FHIT: variants seen among roughly 807,000 people sequenced by gnomAD.
The protein encoded by FHIT is bis(5'-adenosyl)-triphosphatase.
FHIT carries 19 observed loss-of-function variants against 17.9 expected under a neutral mutation model. The observed-to-expected ratio is 1.06, with a 90% CI of 0.74 to 1.56. FHIT has a LOEUF of 1.56. Among genes scored for constraint, FHIT ranks in the 40% most tolerant of loss-of-function variants. The pLI is 0.00. For missense variants in FHIT, 248 were observed against 189.2 expected (o/e 1.31, Z -1.82); for synonymous variants, 81 against 69.7 (o/e 1.16, Z -0.81).
At chr3:60,036,317 C>T (rs184086411) in intron 5 of FHIT, among the ~76,000 whole-genome samples, 7 of 152,226 alleles carry the variant, frequency 4.6e-5, no homozygotes, top group Admixed American at 1.3e-4. Flanking sequence ...AAAAGGAAAC[C>T]GTTCATATGG....
Position 60,499,389 on chromosome 3 carries a change from C to G in FHIT, c.103+37471G>C, listed in dbSNP as rs1056909992. Among the ~76,000 whole-genome samples the G allele has an allele frequency of 2.6e-5, 4 of 152,212 alleles. No homozygotes were observed. The East Asian group carries it at 7.7e-4, about 29-fold the overall frequency. ...TCCCACTTCCTCACCATGCTTCACCCCCACAGGTCTTCGTGTTTTTGAAAC... is the reference window on the plus strand; with the variant it reads ...TCCCACTTCCTCACCATGCTTCACCGCCACAGGTCTTCGTGTTTTTGAAAC... On this transcript the variant is annotated intron_variant, in intron 5 of 9. Transcript: ENST00000492590.
At chr3:59,856,957 G>A (rs975596979) in intron 8 of FHIT, among the ~76,000 whole-genome samples, 2 of 151,930 alleles carry the variant, frequency 1.3e-5, no homozygotes, top group Non-Finnish European at 2.9e-5. Context: ...AAGAAACTGA[G>A]TCAAGTGGAA....
At chr3:60,646,266 T>C (rs782483266) in intron 4 of FHIT, among the ~76,000 whole-genome samples, 2 of 152,312 alleles carry the variant, frequency 1.3e-5, no homozygotes, top group East Asian at 3.9e-4. Context: ...TGGTCAAGAA[T>C]GTAAAAAATT....
intron 5 of FHIT, among the ~76,000 whole-genome samples, chr3:60,237,901 C>T (rs897193251): frequency 1.4e-4 from 22 of 151,904 alleles, no homozygotes; most frequent in African/African-American, 4.3e-4. Flanking sequence ...TTTGGGAGGC[C>T]GAGGCGGGTG....
In FHIT at chr3:60,484,591, T is replaced by C. The variant is rs961994657; in HGVS notation, c.103+52269A>G. On this transcript the variant is annotated intron_variant, in intron 5 of 9. Coordinates refer to ENST00000492590, the MANE Select transcript of FHIT (RefSeq NM_002012.4). ...GGGAAAGGATTTCTTATTCAATAAATGGTTCTGGGAAAACTGGCTAGCCAT... is the reference window on the plus strand; with the variant it reads ...GGGAAAGGATTTCTTATTCAATAAACGGTTCTGGGAAAACTGGCTAGCCAT... 3.9e-5 allele frequency among the ~76,000 whole-genome samples: 6 copies of C among 152,206 alleles called. No individual in the cohort carries two copies. In the East Asian group the frequency reaches 9.6e-4, roughly 24 times the overall value.
At chr3:60,341,990 A>G (rs1710539333) in intron 5 of FHIT, among the ~76,000 whole-genome samples, 1 of 152,152 alleles carries the variant, frequency 6.6e-6, no homozygotes, top group Admixed American at 6.6e-5. Flanking sequence ...TATTGGGTGA[A>G]AAAGAAAAAA....
intron 5 of FHIT, among the ~76,000 whole-genome samples, chr3:60,488,247 C>T (rs753447351): frequency 3.0e-4 from 45 of 152,254 alleles, no homozygotes; most frequent in Non-Finnish European, 4.4e-4. Context: ...CTCGGTCCAT[C>T]GACATATTTA....
At chr3:60,166,083 T>C (rs929740722) in intron 5 of FHIT, among the ~76,000 whole-genome samples, 19 of 152,152 alleles carry the variant, frequency 1.2e-4, no homozygotes, top group African/African-American at 4.6e-4. Flanking sequence ...CTCTTTTTTC[T>C]ACCTCCAATA....
rs6789978 is a variant in FHIT at position 60,352,181 on chromosome 3, C to A, written c.103+184679G>T. ...AATAAGTGAGTTATTTTACTAGAGGCTGCATAAGAGCCAAGAGAAGCAACT... is the reference window on the plus strand; with the variant it reads ...AATAAGTGAGTTATTTTACTAGAGGATGCATAAGAGCCAAGAGAAGCAACT... On this transcript the variant is annotated intron_variant, in intron 5 of 9. Coordinates refer to ENST00000492590, the MANE Select transcript of FHIT (RefSeq NM_002012.4). 4.3e-4 allele frequency among the ~76,000 whole-genome samples: 65 copies of A among 152,140 alleles called. 1 individual carries two copies. The highest frequency in any genetic ancestry group is 1.6e-3 in the African/African-American group (65 of 41,520).
At chr3:60,054,271 T>C (rs1701995859) in intron 5 of FHIT, among the ~76,000 whole-genome samples, 1 of 152,174 alleles carries the variant, frequency 6.6e-6, no homozygotes, top group African/African-American at 2.4e-5. Context: ...AGAAAAACGG[T>C]TACAGAGTGT....
intron 2 of FHIT, among the ~76,000 whole-genome samples, chr3:61,158,641 T>C (rs2037601052): frequency 6.6e-6 from 1 of 152,168 alleles, no homozygotes; most frequent in South Asian, 2.1e-4. Context: ...TTGCATTAAT[T>C]AATTAGAACT....
At chr3:61,016,368 T>G (rs1433107770) in intron 3 of FHIT, among the ~76,000 whole-genome samples, 2 of 152,134 alleles carry the variant, frequency 1.3e-5, no homozygotes, top group Admixed American at 1.3e-4. Context: ...TACCACGTTG[T>G]CAAAACAGTA....
intron 7 of FHIT, among the ~76,000 whole-genome samples, chr3:59,939,165 G>C (rs1706386624): frequency 6.6e-6 from 1 of 152,170 alleles, no homozygotes; most frequent in Non-Finnish European, 1.5e-5. Context: ...ATAGGTACCA[G>C]CCAGAAATTA....
chr3:59,987,995 A>C (rs1367928769), intron 7 of FHIT, among the ~76,000 whole-genome samples: 2 of 151,464 alleles, frequency 1.3e-5, no homozygotes, highest in Non-Finnish European at 3.0e-5. Flanking sequence ...TAGATCCTTG[A>C]ATGAATTTAT....
At chr3:60,988,282 T>C (rs2029874178) in intron 3 of FHIT, among the ~76,000 whole-genome samples, 1 of 152,168 alleles carries the variant, frequency 6.6e-6, no homozygotes, top group Non-Finnish European at 1.5e-5. Context: ...CACATGAAAA[T>C]AAATTCTTAT....
intron 5 of FHIT, among the ~76,000 whole-genome samples, chr3:60,264,804 A>G (rs1190639198): frequency 6.6e-6 from 1 of 151,936 alleles, no homozygotes; most frequent in African/African-American, 2.4e-5. Context: ...AGGAATTTTT[A>G]AGGCAATTGT....
At chr3:60,148,314 A>G (rs1002537878) in intron 5 of FHIT, among the ~76,000 whole-genome samples, 6 of 152,206 alleles carry the variant, frequency 3.9e-5, no homozygotes, top group Non-Finnish European at 7.3e-5. Flanking sequence ...AAACTGGATG[A>G]TAGTACTTTG....
chr3:60,875,389 T>A (rs1196686880), intron 3 of FHIT, among the ~76,000 whole-genome samples: 3 of 152,146 alleles, frequency 2.0e-5, no homozygotes. Flanking sequence ...TGGCTGCCCA[T>A]CAACATACTC....
At chr3:60,363,394 A>T (rs953686185) in intron 5 of FHIT, among the ~76,000 whole-genome samples, 5 of 152,168 alleles carry the variant, frequency 3.3e-5, no homozygotes, top group Admixed American at 2.0e-4. Flanking sequence ...TCACCTTATC[A>T]TTCTTTTATT....
Sources: gnomAD v4.1 joint callset for allele counts (sites outside exome capture counted in the v4.1 genomes callset) on GRCh38, gnomAD v4.1.1 for gene constraint, MANE v1.5 for transcripts, NCBI Gene and HGNC (gene_info 2026-07-23, HGNC 2026-07-21) for gene names.